MED13L: variants seen among roughly 807,000 people sequenced by gnomAD.
MED13L encodes mediator of RNA polymerase II transcription subunit 13-like.
MED13L carries 7 observed loss-of-function variants against 220.9 expected under a neutral mutation model. That is an observed-to-expected ratio of 0.03 (90% CI 0.02 to 0.06). The LOEUF is 0.06. MED13L is among the 10% of genes least tolerant of loss of function. The probability of loss-of-function intolerance (pLI) is 1.00; values close to 1 mark genes in which losing one functional copy is unlikely to be tolerated. For synonymous variants in MED13L, 1,011 were observed against 1,015.2 expected (o/e 1.00, Z 0.08); for missense variants, 1,965 against 2,760.5 (o/e 0.71, Z 6.46).
chr12:116,096,749 G>A lies in MED13L; in HGVS notation c.399C>T (p.Cys133=), dbSNP rs1872669159. 6.2e-7 allele frequency: 1 copy of A among 1,612,394 alleles called. No homozygotes were observed. ...FKAIHNLLER[C]LMDKNFVRIG... ...TCCTAACGAAGTTCTTATCCATTAG[G>A]CACCTAAAATAATTACATCAAGAAT... The change falls in exon 4 of 31, where the codon TGC becomes TGT. Residue 133 remains cysteine, a synonymous_variant. Transcript: ENST00000281928.
chr12:116,147,610 C>G (rs1464944570), intron 2 of MED13L, among the ~76,000 whole-genome samples: 2 of 152,134 alleles, frequency 1.3e-5, no homozygotes, highest in Admixed American at 1.3e-4. Flanking sequence ...GTATTAACGA[C>G]TCTGCTAAAG....
At chr12:116,196,782 C>T (rs1372291225) in intron 2 of MED13L, among the ~76,000 whole-genome samples, 1 of 152,138 alleles carries the variant, frequency 6.6e-6, no homozygotes, top group Admixed American at 6.5e-5. Flanking sequence ...GCTTAAGAAT[C>T]TGATGGTTTT....
At chr12:116,248,265 GATTA>G (rs1443118418) in intron 1 of MED13L, among the ~76,000 whole-genome samples, 1 of 152,198 alleles carries the variant, frequency 6.6e-6, no homozygotes, top group African/African-American at 2.4e-5. Flanking sequence ...ATATGTAGAA[GATTA>G]ATTACATTTG....
chr12:115,996,153 C>T (rs561827167), intron 16 of MED13L, among the ~76,000 whole-genome samples: 9 of 152,082 alleles, frequency 5.9e-5, no homozygotes, highest in Admixed American at 2.0e-4. Flanking sequence ...GGCAGTGGCG[C>T]GATCTTGGCT....
chr12:116,039,985 C>T (rs191110070), intron 4 of MED13L, among the ~76,000 whole-genome samples: 93 of 152,252 alleles, frequency 6.1e-4, no homozygotes, highest in African/African-American at 2.1e-3. Flanking sequence ...GCACAGAAAG[C>T]GACATGGCTC....
At chr12:116,042,276 A>G (rs1881578818) in intron 4 of MED13L, among the ~76,000 whole-genome samples, 1 of 152,252 alleles carries the variant, frequency 6.6e-6, no homozygotes. Context: ...CTTACAAGAA[A>G]GGTACCATCT....
intron 1 of MED13L, among the ~76,000 whole-genome samples, chr12:116,261,423 A>C (rs1159406457): frequency 6.7e-6 from 1 of 150,370 alleles, no homozygotes; most frequent in Non-Finnish European, 1.5e-5. Flanking sequence ...CTTGAACCTC[A>C]GAGGCGGAGG....
intron 16 of MED13L, among the ~76,000 whole-genome samples, chr12:115,995,019 T>C (rs1484752405): frequency 6.6e-6 from 1 of 152,236 alleles, no homozygotes; most frequent in Non-Finnish European, 1.5e-5. Context: ...AAGGCAGGAA[T>C]TTCAGTCTTA....
chr12:116,025,250 A>G (rs1880317659), intron 4 of MED13L, among the ~76,000 whole-genome samples: 1 of 152,186 alleles, frequency 6.6e-6, no homozygotes, highest in South Asian at 2.1e-4. Flanking sequence ...CAAGGATGCA[A>G]AGAAAAGAGG....
intron 2 of MED13L, chr12:116,175,007 A>G (rs1879943662): frequency 6.6e-6 from 1 of 152,274 alleles, no homozygotes; most frequent in African/African-American, 2.4e-5. Context: ...GACTGCAGTA[A>G]ACCATGATCA....
chr12:116,260,990 C>A (rs1406056851), intron 1 of MED13L, among the ~76,000 whole-genome samples: 4 of 152,140 alleles, frequency 2.6e-5, no homozygotes, highest in Non-Finnish European at 5.9e-5. Flanking sequence ...CCTTTTCTTT[C>A]TTCCTATTAG....
chr12:116,025,981 T>C (rs1339872651), intron 4 of MED13L, among the ~76,000 whole-genome samples: 3 of 152,102 alleles, frequency 2.0e-5, no homozygotes, highest in Non-Finnish European at 4.4e-5. Context: ...ATATGTACAA[T>C]TATTATGTGT....
At chr12:116,120,453 TCTCTCTCTCTCTCTCTCTCTCTCTCACA>T (rs1484808519) in intron 2 of MED13L, among the ~76,000 whole-genome samples, 8 of 128,314 alleles carry the variant, frequency 6.2e-5, no homozygotes, top group Non-Finnish European at 1.3e-4. Flanking sequence ...TCTCTCTCTC[TCTCTCTCTCTCTCTCTCTCTCTCTCACA>T]CACACACACA....
rs900381174 is a variant in MED13L, at chr12:116,063,615, T to C, written c.479+33054A>G. On this transcript the variant is annotated intron_variant, in intron 4 of 30. Coordinates refer to ENST00000281928, the MANE Select transcript of MED13L (RefSeq NM_015335.5). The stretch of plus-strand genomic sequence containing the variant: ...ATCTAGTTTTATGTACCTCCAAAAC[T>C]GACTCTCACTGACCTAGATAAATGG... Among the ~76,000 whole-genome samples the C allele has an allele frequency of 5.9e-5, 9 of 152,328 alleles. 1 individual carries two copies. The East Asian group carries it at 9.6e-4, about 16-fold the overall frequency.
rs144325388 is a variant in MED13L at position 116,045,626 on chromosome 12, C to T, written c.480-23025G>A. 3.3e-3 allele frequency among the ~76,000 whole-genome samples: 498 copies of T among 152,214 alleles called. 3 individuals carry two copies. The highest frequency in any genetic ancestry group is 3.0e-3 in the Non-Finnish European group (203 of 68,010). On this transcript the variant is annotated intron_variant, in intron 4 of 30. Coordinates refer to ENST00000281928, the MANE Select transcript of MED13L (RefSeq NM_015335.5). ...TAGTATATATGTGGTGAAAAATGCT[C>T]TGCTATAAACCTCATATTTAACATA...
intron 4 of MED13L, among the ~76,000 whole-genome samples, chr12:116,056,289 T>TA (rs368042882): frequency 3.0e-4 from 46 of 152,090 alleles, no homozygotes; most frequent in Middle Eastern, 6.8e-3. Context: ...TTGTTTGTTT[T>TA]TTTTTTGAGA....
intron 2 of MED13L, among the ~76,000 whole-genome samples, chr12:116,194,324 C>T (rs546102862): frequency 2.6e-5 from 4 of 152,064 alleles, no homozygotes; most frequent in African/African-American, 7.2e-5. Flanking sequence ...CACCACCACG[C>T]CCAGCTAATT....
At chr12:115,999,756 C>G (rs1395866918) in intron 14 of MED13L, among the ~76,000 whole-genome samples, 1 of 152,136 alleles carries the variant, frequency 6.6e-6, no homozygotes, top group South Asian at 2.1e-4. Flanking sequence ...TTTCCACCCA[C>G]TTAGTGTTAG....
chr12:116,261,090 C>CG (rs1346906307), intron 1 of MED13L, among the ~76,000 whole-genome samples: 1 of 152,190 alleles, frequency 6.6e-6, no homozygotes, highest in Non-Finnish European at 1.5e-5. Context: ...TCTCTACCCA[C>CG]GACCTGCCAA....
Sources: allele counts gnomAD v4.1 joint callset (sites outside exome capture counted in the v4.1 genomes callset), GRCh38; gene constraint gnomAD v4.1.1; transcripts MANE v1.5; gene names NCBI Gene and HGNC (gene_info 2026-07-23, HGNC 2026-07-21).